TMPRSS15: variants seen among roughly 807,000 people sequenced by gnomAD.
TMPRSS15 encodes the protein enteropeptidase.
A neutral mutation model predicts 125.3 loss-of-function variants in TMPRSS15; 128 were observed. The ratio of observed to expected loss-of-function variants is 1.02; its 90% CI spans 0.89 to 1.18. TMPRSS15 has a LOEUF of 1.18. Ranked by LOEUF, TMPRSS15 falls within the 50% of genes most tolerant of loss-of-function variation. The probability of loss-of-function intolerance (pLI) is 0.00; values close to 1 mark genes in which losing one functional copy is unlikely to be tolerated. For synonymous variants in TMPRSS15, 446 were observed against 423.2 expected, an observed-to-expected ratio of 1.05 and a Z score of -0.66; for missense variants, 1,283 against 1,212.7, an observed-to-expected ratio of 1.06 and a Z score of -0.86.
intron 8 of TMPRSS15, among the ~76,000 whole-genome samples, chr21:18,355,603 G>A (rs150464934): frequency 6.6e-6 from 1 of 151,670 alleles, no homozygotes; most frequent in Admixed American, 6.6e-5. Context: ...TTAAGAGCAG[G>A]GGCTCCAGCA....
chr21:18,269,849 AG>A lies in TMPRSS15; in HGVS notation c.*119del. The A allele has an allele frequency of 8.0e-7, 1 of 1,243,286 alleles. No individual in the cohort carries two copies. Among genetic ancestry groups the A allele is most frequent in the East Asian group, 2.6e-5 (1 of 39,192 alleles). 77.0% of individuals were successfully genotyped at this position (1,243,286 alleles called of 1,614,324 possible). On this transcript the variant is annotated 3_prime_UTR_variant, in exon 25 of 25. Transcript: ENST00000284885. ...TGGCCCCCTAGCATTTCATTGACAT[AG>A]GTAAGAATAAAAACCTTTGGTAACT...
At chr21:18,273,363 T>A (rs2074583409) in intron 24 of TMPRSS15, among the ~76,000 whole-genome samples, 1 of 152,230 alleles carries the variant, frequency 6.6e-6, no homozygotes, top group African/African-American at 2.4e-5. Flanking sequence ...TCTTATTTAA[T>A]CAGTTAATCC....
chr21:18,284,358 C>G (rs2074737954), intron 21 of TMPRSS15, among the ~76,000 whole-genome samples: 1 of 152,188 alleles, frequency 6.6e-6, no homozygotes, highest in Non-Finnish European at 1.5e-5. Flanking sequence ...TCTAGAGCCA[C>G]TTGAGGAAGT....
intron 8 of TMPRSS15, among the ~76,000 whole-genome samples, chr21:18,357,378 A>G (rs1199670806): frequency 6.6e-6 from 1 of 151,786 alleles, no homozygotes; most frequent in East Asian, 1.9e-4. Flanking sequence ...CTTTTGCATC[A>G]CAATTGTAGA....
Position 18,272,140 on chromosome 21 carries a change from C to T in TMPRSS15, c.2905-2016G>A, listed in dbSNP as rs143770498. ...GTTCTATATCCTTGAGGAATTGCCA[C>T]GCTGTCTTCCACAATGGTTGAACTA... is the stretch of plus-strand genomic sequence containing the variant. On this transcript the variant is annotated intron_variant, in intron 24 of 24. Transcript: ENST00000284885. Among the ~76,000 whole-genome samples, 69 of 152,266 alleles carry T rather than the reference C, an allele frequency of 4.5e-4. 1 individual carries two copies. The East Asian group carries it at 0.011, about 25-fold the overall frequency.
chr21:18,482,256 A>C (rs981883716), intron 1 of TMPRSS15, among the ~76,000 whole-genome samples: 1 of 151,546 alleles, frequency 6.6e-6, no homozygotes, highest in African/African-American at 2.4e-5. Flanking sequence ...CTGAGAATTA[A>C]ATCTTCCAAA....
intron 21 of TMPRSS15, among the ~76,000 whole-genome samples, chr21:18,285,451 T>C (rs1361147568): frequency 6.6e-6 from 1 of 152,220 alleles, no homozygotes; most frequent in African/African-American, 2.4e-5. Flanking sequence ...TTACTATTAC[T>C]AAAGGTGGCA....
At chr21:18,296,918 A>AAAC (rs879533441) in intron 19 of TMPRSS15, among the ~76,000 whole-genome samples, 1 of 152,174 alleles carries the variant, frequency 6.6e-6, no homozygotes, top group Non-Finnish European at 1.5e-5. Flanking sequence ...AGCTCACAGA[A>AAAC]ATGTTAACTT....
intron 1 of TMPRSS15, among the ~76,000 whole-genome samples, chr21:18,447,456 AAAG>A (rs947300038): frequency 2.0e-5 from 3 of 151,480 alleles, no homozygotes; most frequent in African/African-American, 7.3e-5. Context: ...AAAAAAAAAA[AAAG>A]ACATACAAAT....
chr21:18,484,628 TTA>T (rs965139426), intron 1 of TMPRSS15, among the ~76,000 whole-genome samples: 2 of 151,782 alleles, frequency 1.3e-5, no homozygotes, highest in East Asian at 1.9e-4. Context: ...GATCAGGACA[TTA>T]TGTTTTTCTA....
chr21:18,358,874 A>AT (rs1038711280), intron 8 of TMPRSS15, among the ~76,000 whole-genome samples: 1 of 152,128 alleles, frequency 6.6e-6, no homozygotes, highest in East Asian at 1.9e-4. Flanking sequence ...TCTGTAAAAA[A>AT]TTATTCAATA....
chr21:18,426,921 T>G (rs371798727), intron 1 of TMPRSS15, among the ~76,000 whole-genome samples: 4 of 152,234 alleles, frequency 2.6e-5, no homozygotes, highest in African/African-American at 9.6e-5. Flanking sequence ...AATGTCTCAG[T>G]TGGATTTTAT....
At chr21:18,271,208 C>T (rs116257356) in intron 24 of TMPRSS15, among the ~76,000 whole-genome samples, 5,994 of 152,194 alleles carry the variant, frequency 0.039, 372 homozygotes, top group African/African-American at 0.14. Flanking sequence ...TTCTGCATCC[C>T]AAACCCTTAA....
At chr21:18,387,600 CACACACACACAT>C (rs1215281564) in intron 3 of TMPRSS15, among the ~76,000 whole-genome samples, 39 of 116,568 alleles carry the variant, frequency 3.3e-4, no homozygotes, top group African/African-American at 6.8e-4. Flanking sequence ...AGTAGCTACA[CACACACACACAT>C]ACACACACAC....
chr21:18,459,383 C>T (rs1342053335), intron 1 of TMPRSS15, among the ~76,000 whole-genome samples: 3 of 151,992 alleles, frequency 2.0e-5, no homozygotes, highest in East Asian at 3.9e-4. Flanking sequence ...AAGCGATTCT[C>T]ATGACTCAGC....
intron 24 of TMPRSS15, among the ~76,000 whole-genome samples, chr21:18,274,038 C>T (rs1428310732): frequency 1.3e-5 from 2 of 152,164 alleles, no homozygotes; most frequent in East Asian, 3.8e-4. Flanking sequence ...TTTCCTATGA[C>T]ATAAACTGCT....
chr21:18,282,239 G>C (rs894413749), intron 21 of TMPRSS15, among the ~76,000 whole-genome samples: 1 of 151,424 alleles, frequency 6.6e-6, no homozygotes, highest in Non-Finnish European at 1.5e-5. Flanking sequence ...TTGTGTTGTA[G>C]AACAGATTAA....
intron 24 of TMPRSS15, among the ~76,000 whole-genome samples, chr21:18,272,799 A>G (rs2074575216): frequency 6.6e-6 from 1 of 152,220 alleles, no homozygotes; most frequent in Non-Finnish European, 1.5e-5. Flanking sequence ...GAATTTACAG[A>G]ACATAAAGTA....
chr21:18,314,272 T>C (rs2075134141), intron 17 of TMPRSS15, among the ~76,000 whole-genome samples: 1 of 152,120 alleles, frequency 6.6e-6, no homozygotes, highest in Non-Finnish European at 1.5e-5. Context: ...GGGTAAACTA[T>C]AGCCGATTAT....
Sources: allele counts gnomAD v4.1 joint callset (sites outside exome capture counted in the v4.1 genomes callset), GRCh38; gene constraint gnomAD v4.1.1; transcripts MANE v1.5; gene names NCBI Gene and HGNC (gene_info 2026-07-23, HGNC 2026-07-21).